NRG1: variants seen among roughly 807,000 people sequenced by gnomAD.
NRG1 encodes the protein neuregulin 1.
NRG1 carries 18 observed loss-of-function variants against 63.8 expected under a neutral mutation model. That is an observed-to-expected ratio of 0.28 (90% confidence interval 0.19 to 0.42). The LOEUF (loss-of-function observed/expected upper bound fraction) is 0.42. Ranked by LOEUF, NRG1 falls within the 10% of genes least tolerant of loss-of-function variation. The pLI, the probability that NRG1 is intolerant of heterozygous loss-of-function variation, is 1.00. For synonymous variants in NRG1, 302 were observed against 301.3 expected, an observed-to-expected ratio of 1.00 and a Z score of -0.02; for missense variants, 762 against 814.7, an observed-to-expected ratio of 0.94 and a Z score of 0.79.
chr8:31,882,628 C>T (rs1830440716), intron 1 of NRG1, among the ~76,000 whole-genome samples: 1 of 152,054 alleles, frequency 6.6e-6, no homozygotes, highest in African/African-American at 2.4e-5. Flanking sequence ...ATTGTAGATG[C>T]CGTTAAGAAC....
chr8:32,210,269 A>G (rs2132383123), intron 1 of NRG1, among the ~76,000 whole-genome samples: 1 of 152,266 alleles, frequency 6.6e-6, no homozygotes, highest in Admixed American at 6.5e-5. Flanking sequence ...TTAGAAATTA[A>G]AACTGAGAAA....
intron 1 of NRG1, among the ~76,000 whole-genome samples, chr8:31,664,019 G>T (rs1338918614): frequency 6.6e-6 from 1 of 151,874 alleles, no homozygotes; most frequent in African/African-American, 2.4e-5. Flanking sequence ...ATAATTACTG[G>T]TATTCTCTGG....
intron 1 of NRG1, among the ~76,000 whole-genome samples, chr8:32,567,256 A>G (rs1041391412): frequency 4.6e-5 from 7 of 152,216 alleles, no homozygotes; most frequent in Non-Finnish European, 8.8e-5. Flanking sequence ...TGGGGAAGGG[A>G]TGGACTTTAT....
chr8:32,267,320 A>C (rs1851083799), intron 1 of NRG1, among the ~76,000 whole-genome samples: 1 of 152,202 alleles, frequency 6.6e-6, no homozygotes. Context: ...AGTGCGAGCA[A>C]GGCCAAAAAT....
At chr8:32,641,368 A>G (rs1852362574) in intron 5 of NRG1, among the ~76,000 whole-genome samples, 1 of 152,144 alleles carries the variant, frequency 6.6e-6, no homozygotes, top group Non-Finnish European at 1.5e-5. Flanking sequence ...CATTTATTGC[A>G]CTGTTGTGCA....
chr8:31,748,971 G>A (rs1029304478), intron 1 of NRG1, among the ~76,000 whole-genome samples: 12 of 151,832 alleles, frequency 7.9e-5, no homozygotes, highest in Admixed American at 3.9e-4. Flanking sequence ...GTTAATCACA[G>A]CGACTTTCTT....
At chr8:31,912,293 G>A (rs966967437) in intron 1 of NRG1, among the ~76,000 whole-genome samples, 2 of 151,994 alleles carry the variant, frequency 1.3e-5, no homozygotes, top group African/African-American at 2.4e-5. Flanking sequence ...TTACTTTTTG[G>A]TACAGATCTA....
At chr8:32,125,029 G>A (rs1038196684) in intron 1 of NRG1, among the ~76,000 whole-genome samples, 3 of 151,886 alleles carry the variant, frequency 2.0e-5, no homozygotes, top group South Asian at 2.1e-4. Flanking sequence ...GTGGATTAGG[G>A]CCTTATGAAG....
intron 8 of NRG1, among the ~76,000 whole-genome samples, chr8:32,755,132 TTTCTTTGAAAACA>T: frequency 6.6e-6 from 1 of 152,282 alleles, no homozygotes; most frequent in African/African-American, 2.4e-5. Context: ...GAAGCAAAAC[TTTCTTTGAAAACA>T]TAAGAGAGAA....
Position 32,462,907 on chromosome 8 carries a change from A to T in NRG1, c.38-132921A>T, listed in dbSNP as rs556619776. ...GAGTGAGCCACCATGCCTGGCCTAG[A>T]CATACAGATTCTACATGATTACAAG... On this transcript the variant is annotated intron_variant, in intron 1 of 10. Coordinates refer to the NRG1 transcript ENST00000519301. Among the ~76,000 whole-genome samples, 48 of 152,028 alleles carry T rather than the reference A, an allele frequency of 3.2e-4. No homozygotes were observed. The South Asian group carries it at 3.5e-3, about 11-fold the overall frequency.
intron 1 of NRG1, among the ~76,000 whole-genome samples, chr8:31,693,256 T>C (rs574387509): frequency 1.1e-4 from 16 of 152,320 alleles, no homozygotes; most frequent in African/African-American, 3.8e-4. Flanking sequence ...GTCCTTGATT[T>C]ACGATAAGAA....
chr8:32,655,883 C>CA (rs2129548327), intron 5 of NRG1, among the ~76,000 whole-genome samples: 1 of 152,182 alleles, frequency 6.6e-6, no homozygotes, highest in South Asian at 2.1e-4. Context: ...CAACGGAAAA[C>CA]AATCTATACA....
chr8:31,940,366 A>T (rs190069279), intron 1 of NRG1, among the ~76,000 whole-genome samples: 22 of 152,274 alleles, frequency 1.4e-4, no homozygotes, highest in African/African-American at 5.3e-4. Flanking sequence ...TAATAGTGAC[A>T]CAGCCTATCA....
chr8:31,855,514 G>T (rs953537282), intron 1 of NRG1, among the ~76,000 whole-genome samples: 1 of 152,090 alleles, frequency 6.6e-6, no homozygotes, highest in Non-Finnish European at 1.5e-5. Flanking sequence ...GTCTCTGCAC[G>T]TGAGATGGGT....
chr8:32,718,949 C>T (rs555265848), intron 5 of NRG1, among the ~76,000 whole-genome samples: 1 of 152,140 alleles, frequency 6.6e-6, no homozygotes, highest in South Asian at 2.1e-4. Context: ...ATCTCCAGAT[C>T]GTGATTATTT....
chr8:31,767,861 A>AG (rs1225477362), intron 1 of NRG1, among the ~76,000 whole-genome samples: 3 of 151,922 alleles, frequency 2.0e-5, no homozygotes, highest in Non-Finnish European at 4.4e-5. Flanking sequence ...AAAAAAAAAA[A>AG]AAAAACTTAA....
At chr8:32,321,794 T>C (rs1408987415) in intron 1 of NRG1, among the ~76,000 whole-genome samples, 1 of 152,110 alleles carries the variant, frequency 6.6e-6, no homozygotes, top group Non-Finnish European at 1.5e-5. Flanking sequence ...TTTAAAGTCA[T>C]GGATTTCTTG....
chr8:32,766,954 C>G (rs530829103), exon 12 of NRG1: 1 of 152,230 alleles, frequency 6.6e-6, no homozygotes, highest in Admixed American at 6.5e-5. Flanking sequence ...AACTTATGTT[C>G]CCAGCATATG....
intron 1 of NRG1, among the ~76,000 whole-genome samples, chr8:32,357,215 C>T (rs1216818222): frequency 6.6e-6 from 1 of 151,948 alleles, no homozygotes; most frequent in African/African-American, 2.4e-5. Flanking sequence ...TGTATAGTGT[C>T]CTTGACCAGA....
Sources: gnomAD v4.1 joint callset for allele counts (sites outside exome capture counted in the v4.1 genomes callset) on GRCh38, gnomAD v4.1.1 for gene constraint, MANE v1.5 for transcripts, NCBI Gene and HGNC (gene_info 2026-07-23, HGNC 2026-07-21) for gene names.